The following NPSR1 variants were observed in gnomAD, a reference collection of about 807,000 sequenced individuals.
NPSR1 encodes the protein neuropeptide S receptor.
NPSR1 carries 48 observed loss-of-function variants against 46.9 expected under a neutral mutation model. The ratio of observed to expected loss-of-function variants is 1.02; its 90% confidence interval spans 0.81 to 1.30. NPSR1 has a LOEUF of 1.30. Ranked by LOEUF, NPSR1 falls within the 50% of genes most tolerant of loss-of-function variation. NPSR1 has a pLI of 0.00. For missense variants in NPSR1, 450 were observed against 449.5 expected (o/e 1.00, Z -0.01); for synonymous variants, 176 against 168.1 (o/e 1.05, Z -0.36).
intron 5 of NPSR1, among the ~76,000 whole-genome samples, chr7:34,829,534 T>C (rs1240713983): frequency 1.3e-5 from 2 of 152,180 alleles, no homozygotes; most frequent in East Asian, 3.9e-4. Context: ...AACTGAGGCA[T>C]CGATTTCAGT....
chr7:34,671,446 T>C (rs1052830793), intron 1 of NPSR1, among the ~76,000 whole-genome samples: 1 of 152,034 alleles, frequency 6.6e-6, no homozygotes, highest in Non-Finnish European at 1.5e-5. Context: ...TGACAGTAAA[T>C]AGGAAGAATC....
chr7:34,861,789 G>GC (rs1255186994), intron 8 of NPSR1, among the ~76,000 whole-genome samples: 1 of 151,878 alleles, frequency 6.6e-6, no homozygotes, highest in African/African-American at 2.4e-5. Context: ...GCATGGTTCA[G>GC]CCATTCCTTT....
intron 2 of NPSR1, among the ~76,000 whole-genome samples, chr7:34,745,916 T>C (rs1003300603): frequency 3.3e-5 from 5 of 152,252 alleles, no homozygotes; most frequent in Admixed American, 2.6e-4. Context: ...GTTTATACAT[T>C]TGAGTTTTCC....
intron 2 of NPSR1, among the ~76,000 whole-genome samples, chr7:34,722,949 A>G (rs1473206971): frequency 6.6e-6 from 1 of 152,188 alleles, no homozygotes; most frequent in Non-Finnish European, 1.5e-5. Context: ...TTTAGCCTGA[A>G]GTGAGTGTCC....
At chr7:34,857,622 CA>C (rs1791079292) in intron 8 of NPSR1, among the ~76,000 whole-genome samples, 3 of 151,674 alleles carry the variant, frequency 2.0e-5, no homozygotes, top group South Asian at 4.2e-4. Context: ...GACCTAAATT[CA>C]CAAGACAATA....
intron 2 of NPSR1, among the ~76,000 whole-genome samples, chr7:34,709,918 A>G (rs936446328): frequency 6.6e-6 from 1 of 152,158 alleles, no homozygotes; most frequent in Non-Finnish European, 1.5e-5. Flanking sequence ...ACAGAACATG[A>G]GCAGATGGCA....
At chr7:34,870,787 A>G (rs1351487678) in intron 8 of NPSR1, among the ~76,000 whole-genome samples, 1 of 151,736 alleles carries the variant, frequency 6.6e-6, no homozygotes, top group Non-Finnish European at 1.5e-5. Flanking sequence ...TCCTTGGGCT[A>G]GGGCTTTAAA....
intron 2 of NPSR1, among the ~76,000 whole-genome samples, chr7:34,772,922 G>C (rs1463967723): frequency 2.0e-5 from 3 of 152,092 alleles, no homozygotes; most frequent in Non-Finnish European, 2.9e-5. Flanking sequence ...TTGCCTGCTA[G>C]TCCCTAGACA....
downstream of NPSR1, chr7:34,850,009 T>C (rs998751483): frequency 8.8e-6 from 9 of 1,027,010 alleles, no homozygotes; most frequent in African/African-American, 1.7e-5. Flanking sequence ...GGTAGCTGGG[T>C]TATACATGAA....
intron 2 of NPSR1, among the ~76,000 whole-genome samples, chr7:34,699,581 T>C (rs905665770): frequency 6.6e-6 from 1 of 152,132 alleles, no homozygotes; most frequent in South Asian, 2.1e-4. Flanking sequence ...GTGGCTCTCT[T>C]CCTGGGTTGC....
At chr7:34,791,692 T>C (rs1466944529) in intron 3 of NPSR1, among the ~76,000 whole-genome samples, 2 of 151,642 alleles carry the variant, frequency 1.3e-5, no homozygotes, top group Non-Finnish European at 2.9e-5. Flanking sequence ...TTACAGAAAT[T>C]AAAAAAAATC....
intron 6 of NPSR1, among the ~76,000 whole-genome samples, chr7:34,835,208 C>T (rs1296822082): frequency 3.9e-5 from 6 of 152,184 alleles, no homozygotes; most frequent in African/African-American, 9.7e-5. Flanking sequence ...AGACTGGCTC[C>T]GCTCAGCTTC....
At chr7:34,873,076 G>A (rs909312063) in intron 8 of NPSR1, among the ~76,000 whole-genome samples, 1 of 151,648 alleles carries the variant, frequency 6.6e-6, no homozygotes, top group African/African-American at 2.4e-5. Flanking sequence ...AGAGCCTTAG[G>A]GCCTGGACAA....
chr7:34,821,639 A>C (rs1042206282), intron 4 of NPSR1, among the ~76,000 whole-genome samples: 5 of 152,144 alleles, frequency 3.3e-5, no homozygotes, highest in African/African-American at 1.2e-4. Context: ...TGACATGATG[A>C]ATTACATGTT....
At chr7:34,877,566 C>T (rs2893487) in intron 8 of NPSR1, among the ~76,000 whole-genome samples, 22 of 152,318 alleles carry the variant, frequency 1.4e-4, no homozygotes, top group Middle Eastern at 3.4e-3. Context: ...AGACTACACA[C>T]ACCTGATGAG....
chr7:34,771,694 A>T (rs1385042269), intron 2 of NPSR1, among the ~76,000 whole-genome samples: 1 of 152,234 alleles, frequency 6.6e-6, no homozygotes, highest in African/African-American at 2.4e-5. Context: ...GCAGTGTTGA[A>T]GGCAGTCGAG....
At chr7:34,805,383 T>C (rs1169757373) in intron 3 of NPSR1, among the ~76,000 whole-genome samples, 1 of 148,452 alleles carries the variant, frequency 6.7e-6, no homozygotes, top group Non-Finnish European at 1.5e-5. Context: ...TACAAAAAGA[T>C]AGTCAACTAG....
rs200313566 is a variant in NPSR1, at chr7:34,812,275, C to T, written c.478+412C>T. Among the ~76,000 whole-genome samples, 26 of 152,192 alleles carry T rather than the reference C, an allele frequency of 1.7e-4. 1 individual carries two copies. In the East Asian group the frequency reaches 5.0e-3, roughly 29 times the overall value. ...AAACAAACACCTTGTTCTCCTTATCCAAAACCATAGAAATAATTGGAAAGA... is the reference window on the plus strand; with the variant it reads ...AAACAAACACCTTGTTCTCCTTATCTAAAACCATAGAAATAATTGGAAAGA... On this transcript the variant is annotated intron_variant, in intron 4 of 8. Transcript: ENST00000360581.
chr7:34,746,160 A>T (rs1583930660), intron 2 of NPSR1, among the ~76,000 whole-genome samples: 2 of 152,172 alleles, frequency 1.3e-5, no homozygotes, highest in African/African-American at 4.8e-5. Flanking sequence ...AAATTGAGAA[A>T]ATGAAAGCTC....
Sources: gnomAD v4.1 joint callset for allele counts (sites outside exome capture counted in the v4.1 genomes callset) on GRCh38, gnomAD v4.1.1 for gene constraint, MANE v1.5 for transcripts, NCBI Gene and HGNC (gene_info 2026-07-23, HGNC 2026-07-21) for gene names.